Variants in STXBP5L observed in about 807,000 individuals in gnomAD.
STXBP5L encodes syntaxin-binding protein 5-like.
A neutral mutation model predicts 144.5 loss-of-function variants in STXBP5L; 65 were observed. The ratio of observed to expected loss-of-function variants is 0.45; its 90% CI spans 0.37 to 0.55. The LOEUF (loss-of-function observed/expected upper bound fraction) is 0.55, where lower values mean the gene tolerates loss of function less well. STXBP5L is among the 20% of genes least tolerant of loss of function. STXBP5L has a pLI of 0.00. For missense variants in STXBP5L, 1,298 were observed against 1,405.5 expected, an observed-to-expected ratio of 0.92 and a Z score of 1.22; for synonymous variants, 505 against 469.6, an observed-to-expected ratio of 1.08 and a Z score of -0.97.
chr3:121,018,523 C>CAA (rs139946627), intron 3 of STXBP5L, among the ~76,000 whole-genome samples: 4,621 of 101,632 alleles, frequency 0.045, 143 homozygotes, highest in Middle Eastern at 0.091. Context: ...ATCCATATAC[C>CAA]AAAAAAAAAA....
chr3:121,263,367 AC>A (rs1365940711), intron 18 of STXBP5L, among the ~76,000 whole-genome samples: 1 of 152,222 alleles, frequency 6.6e-6, no homozygotes, highest in Non-Finnish European at 1.5e-5. Context: ...ATGAGGAAAA[AC>A]CAGCACAAAA....
chr3:121,110,599 G>C (rs1448150544), intron 5 of STXBP5L, among the ~76,000 whole-genome samples: 1 of 152,174 alleles, frequency 6.6e-6, no homozygotes, highest in Admixed American at 6.5e-5. Context: ...GAGGTCTGCT[G>C]TTAGTCTGAT....
chr3:121,178,562 T>C (rs2047021893), intron 9 of STXBP5L, among the ~76,000 whole-genome samples: 1 of 152,160 alleles, frequency 6.6e-6, no homozygotes, highest in African/African-American at 2.4e-5. Context: ...AAAAACTCTT[T>C]TTAAAACAAC....
intron 19 of STXBP5L, among the ~76,000 whole-genome samples, chr3:121,313,861 G>T (rs1577433761): frequency 7.1e-6 from 1 of 141,606 alleles, no homozygotes; most frequent in Admixed American, 6.9e-5. Context: ...CCAGGCAGAG[G>T]GTTTCCTCAC....
At chr3:121,025,901 ATT>A (rs1945894040) in intron 3 of STXBP5L, among the ~76,000 whole-genome samples, 1 of 146,060 alleles carries the variant, frequency 6.8e-6, no homozygotes, top group Non-Finnish European at 1.5e-5. Flanking sequence ...TAATATATAA[ATT>A]ATATAAATTT....
At chr3:121,033,593 A>AAAAT (rs142763903) in intron 3 of STXBP5L, among the ~76,000 whole-genome samples, 1 of 151,372 alleles carries the variant, frequency 6.6e-6, no homozygotes, top group Admixed American at 6.6e-5. Context: ...AAAACATTAA[A>AAAAT]AAATAAATAA....
At chr3:121,070,483 A>T (rs1426579323) in intron 5 of STXBP5L, among the ~76,000 whole-genome samples, 5 of 152,302 alleles carry the variant, frequency 3.3e-5, no homozygotes, top group Admixed American at 1.3e-4. Flanking sequence ...GGAAGATTTT[A>T]AAATTTCTAT....
chr3:120,981,844 G>GT (rs1941807473), intron 3 of STXBP5L, among the ~76,000 whole-genome samples: 1 of 152,152 alleles, frequency 6.6e-6, no homozygotes, highest in East Asian at 1.9e-4. Flanking sequence ...ATGGGACATT[G>GT]TTTTTCCTCC....
intron 9 of STXBP5L, among the ~76,000 whole-genome samples, chr3:121,204,887 C>G (rs181060835): frequency 1.5e-3 from 223 of 152,196 alleles, no homozygotes; most frequent in African/African-American, 4.9e-3. Flanking sequence ...TATTCAAAAT[C>G]TTAGGGAGTC....
chr3:120,933,863 A>G (rs899554830), intron 2 of STXBP5L, among the ~76,000 whole-genome samples: 2 of 152,102 alleles, frequency 1.3e-5, no homozygotes, highest in South Asian at 2.1e-4. Context: ...ATTCAATACC[A>G]GGTCTACTGA....
At chr3:121,389,611 C>T (rs558659406) in intron 22 of STXBP5L, among the ~76,000 whole-genome samples, 2 of 152,270 alleles carry the variant, frequency 1.3e-5, no homozygotes, top group East Asian at 1.9e-4. Context: ...TTTCAAAGAA[C>T]GTCTTTATTT....
intron 10 of STXBP5L, among the ~76,000 whole-genome samples, chr3:121,215,691 C>A (rs890083417): frequency 6.6e-6 from 1 of 152,098 alleles, no homozygotes; most frequent in Non-Finnish European, 1.5e-5. Flanking sequence ...TGAGGTTGCT[C>A]TTCTCTAGGA....
At chr3:121,073,272 A>T (rs2041882465) in intron 5 of STXBP5L, among the ~76,000 whole-genome samples, 1 of 152,214 alleles carries the variant, frequency 6.6e-6, no homozygotes, top group South Asian at 2.1e-4. Context: ...TAGAGTGTTC[A>T]CAGTCTCCAG....
intron 20 of STXBP5L, among the ~76,000 whole-genome samples, chr3:121,378,189 G>A (rs1033093748): frequency 6.6e-6 from 1 of 152,064 alleles, no homozygotes; most frequent in Non-Finnish European, 1.5e-5. Context: ...GGAAAGGGGA[G>A]GGAGAGTATT....
chr3:121,407,394 A>G lies in STXBP5L; in HGVS notation c.2739A>G (p.Ser913=). The change falls in exon 23 of 27, where the codon TCA becomes TCG. Residue 913 remains serine (S), a synonymous_variant. Coordinates refer to ENST00000471454, the MANE Select transcript of STXBP5L (RefSeq NM_001308330.2). ...KSWRRKVVMN[S]SSASQEIGDH... ...GGAGAAGGAAAGTGGTAATGAACTC[A>G]TCTTCTGCATCCCAAGAAATAGGAG... 1 of 1,613,124 alleles carries G rather than the reference A, an allele frequency of 6.2e-7. No individual in the cohort carries two copies. Among genetic ancestry groups the G allele is most frequent in the Middle Eastern group, 1.7e-4 (1 of 6,050 alleles).
chr3:121,322,505 C>CT (rs1180812229), intron 20 of STXBP5L, among the ~76,000 whole-genome samples: 2 of 144,272 alleles, frequency 1.4e-5, no homozygotes, highest in African/African-American at 2.5e-5. Flanking sequence ...ACATGACTTT[C>CT]TTTTTTATGG....
At chr3:121,289,846 A>C (rs896097208) in intron 19 of STXBP5L, among the ~76,000 whole-genome samples, 2 of 152,176 alleles carry the variant, frequency 1.3e-5, no homozygotes, top group African/African-American at 4.8e-5. Flanking sequence ...GAAATTTAAA[A>C]ATTCTTTGAA....
chr3:121,149,266 A>G (rs1485078709), intron 7 of STXBP5L, among the ~76,000 whole-genome samples: 1 of 152,036 alleles, frequency 6.6e-6, no homozygotes, highest in Non-Finnish European at 1.5e-5. Flanking sequence ...TTAAAATTAA[A>G]CACCTATTCC....
intron 3 of STXBP5L, among the ~76,000 whole-genome samples, chr3:120,974,947 C>T (rs551460470): frequency 6.6e-6 from 1 of 152,188 alleles, no homozygotes; most frequent in Non-Finnish European, 1.5e-5. Flanking sequence ...TTACTTTAGC[C>T]TTGTAGTATA....
Sources: gnomAD v4.1 joint callset for allele counts (sites outside exome capture counted in the v4.1 genomes callset) on GRCh38, gnomAD v4.1.1 for gene constraint, MANE v1.5 for transcripts, NCBI Gene and HGNC (gene_info 2026-07-23, HGNC 2026-07-21) for gene names.